EPOR: variants seen among roughly 807,000 people sequenced by gnomAD.
EPOR encodes the protein erythropoietin receptor.
EPOR carries 20 observed loss-of-function variants against 34.3 expected under a neutral mutation model. That is an observed-to-expected ratio of 0.58 (90% CI 0.41 to 0.85). The LOEUF is 0.85. Ranked by LOEUF, EPOR falls within the 40% of genes least tolerant of loss-of-function variation. EPOR has a pLI of 0.00. For synonymous variants in EPOR, 312 were observed against 299.0 expected (o/e 1.04, Z -0.45); for missense variants, 601 against 672.7 (o/e 0.89, Z 1.18).
At chr19:11,382,361 C>CA (rs1238204828) in intron 2 of EPOR, among the ~76,000 whole-genome samples, 2 of 124,894 alleles carry the variant, frequency 1.6e-5, no homozygotes, top group African/African-American at 3.2e-5. Flanking sequence ...CCACGCCTGG[C>CA]TTTTTTTTTT....
Position 11,377,806 on chromosome 19 carries a change from C to A in EPOR, c.*178G>T. ...ATATATATATAGATACAAAAAAAAA[C>A]TATACATATTTAAAAATACTGCAAG... On this transcript the variant is annotated 3_prime_UTR_variant, in exon 8 of 8. Transcript: ENST00000222139. 1.3e-6 allele frequency: 1 copy of A among 780,628 alleles called. No homozygotes were observed. Among genetic ancestry groups the A allele is most frequent in the Non-Finnish European group, 2.3e-6 (1 of 437,694 alleles). 48.4% of individuals were successfully genotyped at this position (780,628 alleles called of 1,614,324 possible).
At position 11,377,927 on chromosome 19, in the gene EPOR, A is replaced by G; in HGVS notation, c.*57T>C. The G allele has an allele frequency of 6.2e-7, 1 of 1,609,396 alleles. No homozygotes were observed. Among genetic ancestry groups the G allele is most frequent in the East Asian group, 2.2e-5 (1 of 44,868 alleles). On this transcript the variant is annotated 3_prime_UTR_variant, in exon 8 of 8. Coordinates refer to ENST00000222139, the MANE Select transcript of EPOR (RefSeq NM_000121.4). Reference sequence around the variant, plus strand: ...CGCCATCCCTGTTCCATAAGTCTTGAGTCTGCACTGGTTCTCTGAGTCATA... The same window carrying G: ...CGCCATCCCTGTTCCATAAGTCTTGGGTCTGCACTGGTTCTCTGAGTCATA...
At position 11,377,262 on chromosome 19, in the gene EPOR, A is replaced by T. The variant is rs986677292; in HGVS notation, c.*722T>A. The T allele has an allele frequency of 4.4e-6, 2 of 454,094 alleles. No homozygotes were observed. The highest frequency in any genetic ancestry group is 4.4e-6 in the Non-Finnish European group (1 of 226,782). The allele number at this position is 454,094 out of a possible 1,614,324, so 28.1% of individuals were successfully genotyped here. ...TGGCAGAGACTAGCTAGTGGCCCTT[A>T]AACAGCTTTGCCCTTCCTGGGTGTA... On this transcript the variant is annotated 3_prime_UTR_variant, in exon 8 of 8. Transcript: ENST00000222139.
intron 2 of EPOR, 93 bp from the exon 3 acceptor site, chr19:11,382,198 G>A: frequency 9.6e-7 from 1 of 1,044,090 alleles, no homozygotes; most frequent in South Asian, 1.4e-5. Flanking sequence ...TGTGACACAA[G>A]GTCTAGCCTT....
rs1254198879 is a variant in EPOR at position 11,381,716 on chromosome 19, G to A, written c.561C>T (p.Gly187=). 3 of 1,610,334 alleles carry A rather than the reference G, an allele frequency of 1.9e-6. No homozygotes were observed. The highest frequency in any genetic ancestry group is 2.2e-5 in the East Asian group (1 of 44,660). The change falls in exon 4 of 8, where the codon GGC becomes GGT. Residue 187 remains glycine, a synonymous_variant. Transcript: ENST00000222139. This position sits in a 1 kb window ranked among gnomAD's most constrained non-coding sequence, Gnocchi z 5.3. ...HIRYEVDVSA[G]NGAGSVQRVE... ...CCCTCTGTACGCTCCCTGCGCCGTTGCCGGCCGAGACGTCCACCTCGTAGC... is the reference window on the plus strand; with the variant it reads ...CCCTCTGTACGCTCCCTGCGCCGTTACCGGCCGAGACGTCCACCTCGTAGC...
Position 11,381,247 on chromosome 19 carries a change from A to G in EPOR, c.586-38T>C, listed in dbSNP as rs1462336999. The G allele has an allele frequency of 1.9e-6, 3 of 1,547,580 alleles. No homozygotes were observed. In the South Asian group the frequency reaches 3.6e-5, roughly 18 times the overall value. The stretch of plus-strand genomic sequence containing the variant: ...TCAGGGCGAGGGACGCGTAGCAGAC[A>G]AAAATAGATGACGTGGGGGCGGGCC... On this transcript the variant is annotated intron_variant, in intron 4 of 7. Coordinates refer to ENST00000222139, the MANE Select transcript of EPOR (RefSeq NM_000121.4). The surrounding 1 kb of genome is among the most constrained non-coding windows in gnomAD (Gnocchi z 5.3).
At chr19:11,379,345 G>A (rs1968325273) in intron 6 of EPOR, among the ~76,000 whole-genome samples, 1 of 152,052 alleles carries the variant, frequency 6.6e-6, no homozygotes, top group Admixed American at 6.6e-5. Flanking sequence ...ACTTTGAGAG[G>A]CTGATGTGAG....
rs991881188 is a variant in EPOR at position 11,381,127 on chromosome 19, C to A, written c.668G>T (p.Arg223Leu). 6.3e-7 allele frequency: 1 copy of A among 1,575,528 alleles called. No individual in the cohort carries two copies. Among genetic ancestry groups the A allele is most frequent in the South Asian group, 1.2e-5 (1 of 86,420 alleles). Residue 223 changes from arginine (R) to leucine (L), a missense_variant, in exon 5 of 8, where the codon CGT becomes CTT. By Grantham distance (102) the Arg-to-Leu change is moderately radical. Coordinates refer to ENST00000222139, the MANE Select transcript of EPOR (RefSeq NM_000121.4). The surrounding 1 kb of genome is among the most constrained non-coding windows in gnomAD (Gnocchi z 5.3). ...GCCGCCGAAGCTCGGCTCAGCCATA[C>A]GCGCGCGGACGGCGAAGGTGTAGCG... ...RTRYTFAVRA[R>L]MAEPSFGGFW...
rs1378517963 is a variant in EPOR at position 11,381,929 on chromosome 19, C to A, written c.427+1G>T. The A allele has an allele frequency of 6.2e-7, 1 of 1,614,242 alleles. No individual in the cohort carries two copies. The highest frequency in any genetic ancestry group is 1.7e-5 in the Admixed American group (1 of 60,022). On this transcript the variant is annotated splice_donor_variant, in intron 3 of 7. Transcript: ENST00000222139. LOFTEE classifies it high-confidence loss of function. This position sits in a 1 kb window ranked among gnomAD's most constrained non-coding sequence, Gnocchi z 5.3. ...CACTCCTCCATTCCCAGAGCACTTA[C>A]CTACTTCATTGATGTGGATGACACG...
chr19:11,378,743 C>A lies in EPOR; in HGVS notation c.863G>T (p.Ser288Ile). The stretch of plus-strand genomic sequence containing the variant: ...GAGGCCTTCAAACTCGCTCTCTGGG[C>A]TCGGGATGCCAGGCCAGATCTTCTG... ...LKQKIWPGIP[S>I]PESEFEGLFT... The change falls in exon 7 of 8, where the codon AGC (serine) becomes ATC (isoleucine). Residue 288 changes from serine to isoleucine, a missense_variant. Transcript: ENST00000222139. This position sits in a 1 kb window ranked among gnomAD's most constrained non-coding sequence, Gnocchi z 5.3. 1 of 1,614,200 alleles carries A rather than the reference C, an allele frequency of 6.2e-7. No individual in the cohort carries two copies. Among genetic ancestry groups the A allele is most frequent in the East Asian group, 2.2e-5 (1 of 44,888 alleles).
Position 11,381,850 on chromosome 19 carries a change from C to CT in EPOR, c.428-2dup. On this transcript the variant is annotated splice_acceptor_variant, in intron 3 of 7. Transcript: ENST00000222139. LOFTEE classifies it high-confidence loss of function. This position sits in a 1 kb window ranked among gnomAD's most constrained non-coding sequence, Gnocchi z 5.3. ...AGCCCCACGGGGGCGTCTAGGAGCA[C>CT]TGCAGGCATGGGGGTTGGTCAGGTG... is the stretch of plus-strand genomic sequence containing the variant. 1 of 1,614,184 alleles carries CT rather than the reference C, an allele frequency of 6.2e-7. No homozygotes were observed.
rs1299120493 is a variant in EPOR at position 11,378,097 on chromosome 19, C to T, written c.1414G>A (p.Asp472Asn). ...AAGCCCCCTTGGGCTCCCTGGGAGT[C>T]CCCTGAGCTGTAGTCAGTTGAGATG... ...SGISTDYSSGDSQGAQGGLSD... is the reference protein window; with the variant it reads ...SGISTDYSSGNSQGAQGGLSD... Residue 472 changes from aspartate (D) to asparagine (N), a missense_variant, in exon 8 of 8, where the codon GAC (aspartate) becomes AAC (asparagine). Asp to Asn is a conservative substitution (Grantham distance 23). Coordinates refer to ENST00000222139, the MANE Select transcript of EPOR (RefSeq NM_000121.4). This position sits in a 1 kb window ranked among gnomAD's most constrained non-coding sequence, Gnocchi z 5.3. 2.5e-6 allele frequency: 4 copies of T among 1,613,934 alleles called. No homozygotes were observed. The highest frequency in any genetic ancestry group is 2.5e-6 in the Non-Finnish European group (3 of 1,180,002).
At chr19:11,380,530 C>T (rs147096924) in intron 6 of EPOR, among the ~76,000 whole-genome samples, 2 of 152,346 alleles carry the variant, frequency 1.3e-5, no homozygotes, top group African/African-American at 4.8e-5. Context: ...ATCATAGTGT[C>T]TGAGAAGCTT....
chr19:11,382,449 C>T (rs1291629901), intron 2 of EPOR, among the ~76,000 whole-genome samples: 1 of 151,708 alleles, frequency 6.6e-6, no homozygotes, highest in African/African-American at 2.4e-5. Context: ...CCGCAACCTC[C>T]GCCTCCCGGG....
intron 6 of EPOR, among the ~76,000 whole-genome samples, chr19:11,379,492 T>A (rs1599417517): frequency 6.6e-6 from 1 of 151,784 alleles, no homozygotes; most frequent in African/African-American, 2.4e-5. Context: ...GGAGAATCAC[T>A]TGAACCTGGG....
chr19:11,383,293 C>T lies in EPOR; in HGVS notation c.116-61G>A, dbSNP rs1190783265. The stretch of plus-strand genomic sequence containing the variant: ...TGAGCTCTATCCTCGGGAGACAGCC[C>T]CCTCCTCTTCCCTCCCGCAGCCTGG... On this transcript the variant is annotated intron_variant, in intron 1 of 7. Coordinates refer to ENST00000222139, the MANE Select transcript of EPOR (RefSeq NM_000121.4). The surrounding 1 kb of genome is among the most constrained non-coding windows in gnomAD (Gnocchi z 4.9). 3 of 1,450,652 alleles carry T rather than the reference C, an allele frequency of 2.1e-6. No homozygotes were observed. The highest frequency in any genetic ancestry group is 2.8e-6 in the Non-Finnish European group (3 of 1,086,976). 89.9% of individuals were successfully genotyped at this position (1,450,652 alleles called of 1,614,324 possible).
chr19:11,380,777 C>A, intron 6 of EPOR, 107 bp downstream of exon 6: 2 of 884,430 alleles, frequency 2.3e-6, no homozygotes, highest in Non-Finnish European at 3.7e-6. Context: ...ATCCTTACTG[C>A]GTGACCTTGG....
rs1408763351 is a variant in EPOR, at chr19:11,377,253, G to A, written c.*731C>T. The A allele has an allele frequency of 2.2e-6, 1 of 454,120 alleles. No individual in the cohort carries two copies. The highest frequency in any genetic ancestry group is 6.9e-5 in the East Asian group (1 of 14,400). 28.1% of individuals were successfully genotyped at this position (454,120 alleles called of 1,614,324 possible). A position where few individuals can be genotyped will look rare whatever the true frequency, so the allele number is the denominator to read the frequency against. The stretch of plus-strand genomic sequence containing the variant: ...TATTATTAGTGGCAGAGACTAGCTA[G>A]TGGCCCTTAAACAGCTTTGCCCTTC... On this transcript the variant is annotated 3_prime_UTR_variant, in exon 8 of 8. Transcript: ENST00000222139.
At position 11,378,019 on chromosome 19, in the gene EPOR, C is replaced by T. The variant is rs1168420741; in HGVS notation, c.1492G>A (p.Glu498Lys). 6.2e-7 allele frequency: 1 copy of T among 1,614,172 alleles called. No homozygotes were observed. The highest frequency in any genetic ancestry group is 1.3e-5 in the African/African-American group (1 of 75,052). Residue 498 changes from glutamate (E) to lysine (K), a missense_variant, in exon 8 of 8, where the codon GAG becomes AAG. By Grantham distance (56) the Glu-to-Lys change is moderately conservative. Transcript: ENST00000222139. The surrounding 1 kb of genome is among the most constrained non-coding windows in gnomAD (Gnocchi z 5.3). The stretch of plus-strand genomic sequence containing the variant: ...GCCACATAGCTGGGGGGCAGAGGCT[C>T]AGCGGCTGGGATAAGGCTGTTCTCA... ...PYENSLIPAA[E>K]PLPPSYVACS
Sources: allele counts gnomAD v4.1 joint callset (sites outside exome capture counted in the v4.1 genomes callset), GRCh38; gene constraint gnomAD v4.1.1; non-coding constraint Gnocchi (gnomAD v3.1); transcripts MANE v1.5; gene names NCBI Gene and HGNC (gene_info 2026-07-23, HGNC 2026-07-21).